Variants in TCF20 observed in about 807,000 individuals in gnomAD.
TCF20 encodes the protein SPRE-binding protein.
In TCF20, 3 loss-of-function variants were observed where a neutral mutation model predicts 148.6. The observed-to-expected ratio is 0.02, with a 90% CI of 0.01 to 0.05. The LOEUF (loss-of-function observed/expected upper bound fraction) is 0.05, where lower values mean the gene tolerates loss of function less well. TCF20 is among the 10% of genes least tolerant of loss of function. The probability of loss-of-function intolerance (pLI) is 1.00; values close to 1 mark genes in which losing one functional copy is unlikely to be tolerated. For synonymous variants in TCF20, 1,049 were observed against 909.5 expected (o/e 1.15, Z -2.76); for missense variants, 2,350 against 2,429.3 (o/e 0.97, Z 0.69).
In TCF20 at chr22:42,214,527, T is replaced by C. The variant is rs771482751; in HGVS notation, c.779A>G (p.Tyr260Cys). 1.2e-6 allele frequency: 2 copies of C among 1,614,224 alleles called. No homozygotes were observed. Among genetic ancestry groups the C allele is most frequent in the Non-Finnish European group, 1.7e-6 (2 of 1,180,034 alleles). Reference protein sequence around the residue: ...PQRFSQSGQSYDGSYNVNAGS... With the variant: ...PQRFSQSGQSCDGSYNVNAGS... ...AGCATTCACATTGTAACTGCCATCATAGCTCTGTCCAGACTGGCTAAAACG... is the reference window on the plus strand; with the variant it reads ...AGCATTCACATTGTAACTGCCATCACAGCTCTGTCCAGACTGGCTAAAACG... The change falls in exon 2 of 6, where the codon TAT (tyrosine) becomes TGT (cysteine). Residue 260 changes from tyrosine to cysteine, a missense_variant. Physicochemically the swap from Tyr to Cys is radical, Grantham distance 194. This residue lies in a region of TCF20 where 1,641 missense variants were observed against 1,662.6 expected (regional missense o/e 0.99). Transcript: ENST00000677622.
chr22:42,274,161 G>A (rs778403407), upstream of TCF20: 1 of 152,742 alleles, frequency 6.5e-6, no homozygotes, highest in African/African-American at 2.4e-5. Context: ...TCACAAGCTC[G>A]GGGCTTCATC....
chr22:42,328,949 A>G (rs1927921967), intron 1 of TCF20, among the ~76,000 whole-genome samples: 1 of 152,034 alleles, frequency 6.6e-6, no homozygotes, highest in African/African-American at 2.4e-5. Flanking sequence ...GAAGCCTGAA[A>G]CGCCTGAACC....
In TCF20 at chr22:42,211,473, G is replaced by T. The variant is rs752452977; in HGVS notation, c.3833C>A (p.Thr1278Asn). The change falls in exon 2 of 6, where the codon ACT (threonine) becomes AAT (asparagine). Residue 1278 changes from threonine to asparagine, a missense_variant. Thr to Asn is a moderately conservative substitution (Grantham distance 65, BLOSUM62 0). This residue lies in a region of TCF20 where 1,641 missense variants were observed against 1,662.6 expected (regional missense o/e 0.99). Transcript: ENST00000677622. ...GTGAAGGAGGCGACCTTTATCTTCA[G>T]TGCTACTGTTCTTTACATCTTGTGA... ...RQSQDVKNSS[T>N]EDKGRLLHSS... 6.2e-7 allele frequency: 1 copy of T among 1,614,028 alleles called. No individual in the cohort carries two copies. Among genetic ancestry groups the T allele is most frequent in the African/African-American group, 1.3e-5 (1 of 74,908 alleles).
At chr22:42,256,141 G>A (rs1229676946) in intron 1 of TCF20, among the ~76,000 whole-genome samples, 2 of 152,116 alleles carry the variant, frequency 1.3e-5, no homozygotes, top group Non-Finnish European at 2.9e-5. Context: ...TACTTGATCA[G>A]GAGGGAGCAG....
intron 1 of TCF20, among the ~76,000 whole-genome samples, chr22:42,253,915 A>G (rs1424156199): frequency 2.0e-5 from 3 of 152,076 alleles, no homozygotes; most frequent in Non-Finnish European, 4.4e-5. Flanking sequence ...TGTCTCTACT[A>G]AAAATACAAA....
intron 1 of TCF20, among the ~76,000 whole-genome samples, chr22:42,336,001 G>C (rs1261188607): frequency 6.6e-6 from 1 of 152,214 alleles, no homozygotes; most frequent in East Asian, 1.9e-4. Context: ...ACAGGTCTGG[G>C]AGCCAACCTG....
intron 1 of TCF20, among the ~76,000 whole-genome samples, chr22:42,313,997 T>A (rs1196181209): frequency 1.3e-5 from 2 of 152,234 alleles, no homozygotes; most frequent in African/African-American, 4.8e-5. Flanking sequence ...CTCCTTCCTG[T>A]CCTTCCCTTC....
intron 1 of TCF20, among the ~76,000 whole-genome samples, chr22:42,321,674 C>T (rs1273924847): frequency 1.3e-5 from 2 of 151,920 alleles, no homozygotes; most frequent in African/African-American, 2.4e-5. Context: ...AGGCTGGGCG[C>T]GGTGACTCAC....
rs762509400 is a variant in TCF20 at position 42,211,999 on chromosome 22, C to G, written c.3307G>C (p.Gly1103Arg). 1.9e-6 allele frequency: 3 copies of G among 1,614,150 alleles called. No homozygotes were observed. Residue 1103 changes from glycine to arginine, a missense_variant, in exon 2 of 6, where the codon GGT (glycine) becomes CGT (arginine). Gly to Arg is a moderately radical substitution (Grantham distance 125). Coordinates refer to ENST00000677622, the MANE Select transcript of TCF20 (RefSeq NM_001378418.1). ...GCAGCAATTACTCCCTGAGCAGAAC[C>G]GCTGCTCCAGTCTTTATACTCCTCT... ...QPEEYKDWSS[G>R]SAQGVIAAAQ...
At chr22:42,253,555 T>A (rs189693564) in intron 1 of TCF20, among the ~76,000 whole-genome samples, 1 of 152,296 alleles carries the variant, frequency 6.6e-6, no homozygotes, top group Admixed American at 6.5e-5. Context: ...AATATAGGCG[T>A]ATGAAAAACC....
chr22:42,266,453 C>A (rs1926292047), intron 1 of TCF20, among the ~76,000 whole-genome samples: 3 of 152,190 alleles, frequency 2.0e-5, no homozygotes, highest in Admixed American at 2.0e-4. Flanking sequence ...CAATTACATT[C>A]CATTTTATCT....
At chr22:42,240,724 C>A (rs1924318333) in intron 1 of TCF20, among the ~76,000 whole-genome samples, 1 of 152,174 alleles carries the variant, frequency 6.6e-6, no homozygotes, top group African/African-American at 2.4e-5. Context: ...GCGCTCCTCA[C>A]CCCAGCGAAC....
At chr22:42,207,590 C>T (rs1359353384) in intron 2 of TCF20, among the ~76,000 whole-genome samples, 1 of 151,552 alleles carries the variant, frequency 6.6e-6, no homozygotes, top group East Asian at 2.0e-4. Flanking sequence ...CCGAGGTGGG[C>T]GGATCACCTG....
Position 42,212,422 on chromosome 22 carries a change from G to T in TCF20, c.2884C>A (p.Arg962Ser), listed in dbSNP as rs754587682. 12 of 1,614,070 alleles carry T rather than the reference G, an allele frequency of 7.4e-6. No individual in the cohort carries two copies. The highest frequency in any genetic ancestry group is 1.0e-5 in the Non-Finnish European group (12 of 1,180,016). Residue 962 changes from arginine (R) to serine (S), a missense_variant, in exon 2 of 6, where the codon CGC (arginine) becomes AGC (serine). By Grantham distance (110) the Arg-to-Ser change is moderately radical. Transcript: ENST00000677622. ...GCTGCTCCAGGGCTGGCATTGCCGC[G>T]GTAAGACTCATGCTTGATGCTAGGA... is the stretch of plus-strand genomic sequence containing the variant. ...HPPSIKHESY[R>S]GNASPGAATH...
At chr22:42,194,251 G>T (rs774852351) in intron 2 of TCF20, among the ~76,000 whole-genome samples, 17 of 152,186 alleles carry the variant, frequency 1.1e-4, no homozygotes, top group Non-Finnish European at 1.2e-4. Flanking sequence ...CTTAAATGGA[G>T]CTTTTTTCCA....
At position 42,213,835 on chromosome 22, in the gene TCF20, A is replaced by C. The variant is rs768537977; in HGVS notation, c.1471T>G (p.Ser491Ala). ...PQKKTSKRPS[S>A]SKKADSCTNS... ...GTGCAGCTATCTGCTTTCTTGGAAG[A>C]TGAGGGCCTCTTGGAGGTCTTCTTC... The change falls in exon 2 of 6, where the codon TCT (serine) becomes GCT (alanine). Residue 491 changes from serine (S) to alanine (A), a missense_variant. Physicochemically the swap from Ser to Ala is moderately conservative, Grantham distance 99. Transcript: ENST00000677622. The C allele has an allele frequency of 9.9e-6, 16 of 1,614,164 alleles. No individual in the cohort carries two copies. The highest frequency in any genetic ancestry group is 1.3e-5 in the African/African-American group (1 of 75,030).
rs766881431 is a variant in TCF20, at chr22:42,210,594, G to A, written c.4712C>T (p.Ala1571Val). 6.2e-7 allele frequency: 1 copy of A among 1,614,022 alleles called. No homozygotes were observed. Residue 1571 changes from alanine (A) to valine (V), a missense_variant, in exon 2 of 6, where the codon GCA becomes GTA. Ala to Val is a moderately conservative substitution (Grantham distance 64, BLOSUM62 0). Coordinates refer to ENST00000677622, the MANE Select transcript of TCF20 (RefSeq NM_001378418.1). This position sits in a 1 kb window ranked among gnomAD's most constrained non-coding sequence, Gnocchi z 4.7. ...TTTTTTTGGCTTTGGCTCTCCATCT[G>A]CAGAACCTTCTGGTATCTGTGGGGG... ...PQPPQIPEGS[A>V]DGEPKPKKQR... is the part of the protein sequence containing the mutation.
intron 3 of TCF20, 119 bp downstream of exon 3, chr22:42,179,490 C>CTAAA (rs1936654347): frequency 5.9e-6 from 2 of 341,484 alleles, no homozygotes; most frequent in Non-Finnish European, 4.9e-6. Context: ...TATGAAGTGA[C>CTAAA]AAAAAAAAAA....
chr22:42,255,731 T>C (rs767305263), intron 1 of TCF20, among the ~76,000 whole-genome samples: 11 of 152,044 alleles, frequency 7.2e-5, no homozygotes, highest in Non-Finnish European at 1.6e-4. Context: ...AGATGATCAA[T>C]TCATCATCTG....
Sources: gnomAD v4.1 joint callset for allele counts (sites outside exome capture counted in the v4.1 genomes callset) on GRCh38, gnomAD v4.1.1 for gene constraint, gnomAD v4.1.1 regional missense constraint, Gnocchi (gnomAD v3.1) non-coding constraint, MANE v1.5 for transcripts, NCBI Gene and HGNC (gene_info 2026-07-23, HGNC 2026-07-21) for gene names.